The following PLCB4 variants were observed in gnomAD, a reference collection of about 807,000 sequenced individuals.
PLCB4 encodes the protein 1-phosphatidylinositol 4,5-bisphosphate phosphodiesterase beta-4.
Under a neutral mutation model 178.8 loss-of-function variants are expected in PLCB4, and 77 were observed. The ratio of observed to expected loss-of-function variants is 0.43; its 90% CI spans 0.36 to 0.52. The LOEUF (loss-of-function observed/expected upper bound fraction) is 0.52, where lower values mean the gene tolerates loss of function less well. PLCB4 is among the 20% of genes least tolerant of loss of function. The pLI is 0.00. For missense variants in PLCB4, 1,024 were observed against 1,453.4 expected (o/e 0.70, Z 4.80); for synonymous variants, 496 against 490.8 (o/e 1.01, Z -0.14).
Position 9,397,905 on chromosome 20 carries a change from G to A in PLCB4, c.1510+2287G>A, listed in dbSNP as rs538628779. ...GGGCTTAGGTTGGTGGTTCTCCCTT[G>A]GGTTTCTCCTGCTTTTGTCAGCAGA... On this transcript the variant is annotated intron_variant, in intron 19 of 39. Transcript: ENST00000378473. 1.6e-4 allele frequency among the ~76,000 whole-genome samples: 25 copies of A among 152,246 alleles called. No individual in the cohort carries two copies. In the South Asian group the frequency reaches 5.2e-3, roughly 32 times the overall value.
intron 2 of PLCB4, among the ~76,000 whole-genome samples, chr20:9,175,255 G>A (rs1394240892): frequency 6.6e-6 from 1 of 152,006 alleles, no homozygotes; most frequent in African/African-American, 2.4e-5. Flanking sequence ...AGAAACATCA[G>A]TGTTTTGTAT....
chr20:9,184,190 G>T (rs1192632523), intron 2 of PLCB4, among the ~76,000 whole-genome samples: 1 of 152,100 alleles, frequency 6.6e-6, no homozygotes, highest in Non-Finnish European at 1.5e-5. Context: ...GATTCTGAAG[G>T]CGATCCTTGC....
chr20:9,476,639 A>T, intron 38 of PLCB4, 78 bp from the exon 39 acceptor site: 30 of 986,024 alleles, frequency 3.0e-5, no homozygotes, highest in Non-Finnish European at 4.7e-5. Context: ...CATTTTTCAA[A>T]TTCACTTCAA....
intron 36 of PLCB4, among the ~76,000 whole-genome samples, chr20:9,471,541 T>C (rs1231885561): frequency 6.6e-6 from 1 of 152,184 alleles, no homozygotes; most frequent in Admixed American, 6.5e-5. Context: ...AGTGGAGAAT[T>C]GCTTTGAAAA....
intron 3 of PLCB4, among the ~76,000 whole-genome samples, chr20:9,307,335 C>T (rs1430577190): frequency 1.3e-5 from 2 of 152,120 alleles, no homozygotes; most frequent in African/African-American, 4.8e-5. Flanking sequence ...GCTATTCCTA[C>T]GTGATTCTGC....
At chr20:9,167,863 C>T (rs2092998385) in intron 2 of PLCB4, among the ~76,000 whole-genome samples, 1 of 152,154 alleles carries the variant, frequency 6.6e-6, no homozygotes, top group Admixed American at 6.5e-5. Context: ...CATGACTAGC[C>T]ACAGATATTT....
In PLCB4 at chr20:9,265,280, C is replaced by T. The variant is rs553872548; in HGVS notation, c.-15-42520C>T. ...GATGGATCACTTGAGGTCAGGAGTT[C>T]GAGACCAGCCTGGCCAACGTGGCAA... On this transcript the variant is annotated intron_variant, in intron 3 of 39. Coordinates refer to ENST00000378473, the MANE Select transcript of PLCB4 (RefSeq NM_001377142.1). 1.6e-4 allele frequency among the ~76,000 whole-genome samples: 25 copies of T among 152,072 alleles called. No homozygotes were observed. In the East Asian group the frequency reaches 4.1e-3, roughly 25 times the overall value.
chr20:9,291,571 TA>T (rs2094580053), intron 3 of PLCB4, among the ~76,000 whole-genome samples: 1 of 152,136 alleles, frequency 6.6e-6, no homozygotes, highest in South Asian at 2.1e-4. Context: ...TGTGCATGTA[TA>T]AAAAAATTAA....
intron 2 of PLCB4, among the ~76,000 whole-genome samples, chr20:9,153,640 G>A (rs2092730751): frequency 6.6e-6 from 1 of 152,100 alleles, no homozygotes. Flanking sequence ...TAATACAATG[G>A]CTTTAAATTT....
chr20:9,308,299 G>A (rs1042113840), intron 4 of PLCB4, among the ~76,000 whole-genome samples: 3 of 152,156 alleles, frequency 2.0e-5, no homozygotes, highest in African/African-American at 7.2e-5. Flanking sequence ...CTTTGTGCCA[G>A]TCATTGCTTT....
chr20:9,303,366 C>G (rs562565207), intron 3 of PLCB4, among the ~76,000 whole-genome samples: 24 of 152,314 alleles, frequency 1.6e-4, no homozygotes, highest in South Asian at 4.1e-4. Flanking sequence ...CCTTTGGTAA[C>G]CACTGTTCTG....
chr20:9,372,247 C>A, intron 10 of PLCB4, 56 bp from the exon 11 acceptor site: 1 of 985,042 alleles, frequency 1.0e-6, no homozygotes, highest in Non-Finnish European at 1.6e-6. Context: ...TGTAGCTTCT[C>A]ACCCTCCAAG....
At chr20:9,362,770 A>T in intron 7 of PLCB4, 126 bp from the exon 8 acceptor site, 1 of 656,360 alleles carries the variant, frequency 1.5e-6, no homozygotes, top group Non-Finnish European at 2.7e-6. Flanking sequence ...GCTGTGTGAC[A>T]GGAAAGGGAC....
chr20:9,074,806 T>TAAACAAAACAAAACAAAAC (rs1568699525), intron 1 of PLCB4, among the ~76,000 whole-genome samples: 1 of 100,368 alleles, frequency 1.0e-5, no homozygotes, highest in African/African-American at 4.0e-5. Flanking sequence ...TTTTTTTTTT[T>TAAACAAAACAAAACAAAAC]TAAACAAAAC....
intron 9 of PLCB4, among the ~76,000 whole-genome samples, chr20:9,368,717 A>G (rs532108153): frequency 6.6e-6 from 1 of 152,108 alleles, no homozygotes; most frequent in Non-Finnish European, 1.5e-5. Flanking sequence ...ACCCTGTTTC[A>G]GCTAGCAAAG....
At chr20:9,410,770 G>T (rs932965438) in intron 24 of PLCB4, among the ~76,000 whole-genome samples, 2 of 152,102 alleles carry the variant, frequency 1.3e-5, no homozygotes, top group Non-Finnish European at 2.9e-5. Context: ...ATCAAACAAT[G>T]GTGTGACTCC....
chr20:9,347,828 G>T (rs1312727053), intron 7 of PLCB4, among the ~76,000 whole-genome samples: 1 of 152,092 alleles, frequency 6.6e-6, no homozygotes, highest in East Asian at 1.9e-4. Flanking sequence ...ACAAAAATTA[G>T]CCAGGCGTGG....
chr20:9,152,271 C>T (rs759865135), intron 2 of PLCB4, among the ~76,000 whole-genome samples: 7 of 152,124 alleles, frequency 4.6e-5, no homozygotes, highest in Non-Finnish European at 1.0e-4. Flanking sequence ...AATGTTAATC[C>T]CCAAGACCAT....
chr20:9,307,836 A>T lies in PLCB4; in HGVS notation c.22A>T (p.Asn8Tyr). MAKPYEF[N>Y]WQKEVPSFLQ... ...AATCATGGCCAAACCTTATGAATTT[A>T]ACTGGCAGAAGGAAGTTCCCTCCTT... The change falls in exon 4 of 40, where the codon AAC (asparagine) becomes TAC (tyrosine). Residue 8 changes from asparagine (N) to tyrosine (Y), a missense_variant. Transcript: ENST00000378473. 1.2e-6 allele frequency: 2 copies of T among 1,600,640 alleles called. No individual in the cohort carries two copies. The highest frequency in any genetic ancestry group is 1.7e-6 in the Non-Finnish European group (2 of 1,169,144).
Sources: gnomAD v4.1 joint callset for allele counts (sites outside exome capture counted in the v4.1 genomes callset) on GRCh38, gnomAD v4.1.1 for gene constraint, MANE v1.5 for transcripts, NCBI Gene and HGNC (gene_info 2026-07-23, HGNC 2026-07-21) for gene names.